Variants in ATP6V1B1 observed in about 807,000 individuals in gnomAD.
The protein encoded by ATP6V1B1 is V-type proton ATPase subunit B, kidney isoform.
Under a neutral mutation model 62.1 loss-of-function variants are expected in ATP6V1B1, and 41 were observed. The observed-to-expected ratio is 0.66, with a 90% CI of 0.51 to 0.86. ATP6V1B1 has a LOEUF of 0.86. ATP6V1B1 is among the 40% of genes least tolerant of loss of function. The pLI, the probability that ATP6V1B1 is intolerant of heterozygous loss-of-function variation, is 0.00. For missense variants in ATP6V1B1, 651 were observed against 697.5 expected (o/e 0.93, Z 0.75); for synonymous variants, 253 against 273.4 (o/e 0.93, Z 0.74).
rs1553419690 is a variant in ATP6V1B1, at chr2:70,959,730, CAGAA to C, written c.446-202_446-199del. 6.6e-6 allele frequency among the ~76,000 whole-genome samples: 1 copy of C among 152,244 alleles called. No homozygotes were observed. The highest frequency in any genetic ancestry group is 1.5e-5 in the Non-Finnish European group (1 of 68,050). On this transcript the variant is annotated intron_variant, in intron 5 of 13. Coordinates refer to ENST00000234396, the MANE Select transcript of ATP6V1B1 (RefSeq NM_001692.4). The surrounding 1 kb of genome is among the most constrained non-coding windows in gnomAD (Gnocchi z 4.2). ...CTATTTAAATTTAAACTAATTCAAA[CAGAA>C]AGAAAGTCCCATTTCAGAGTCACAC...
chr2:70,946,278 A>G (rs2239484), intron 2 of ATP6V1B1, among the ~76,000 whole-genome samples: 25,494 of 152,134 alleles, frequency 0.17, 2,503 homozygotes, highest in East Asian at 0.48. Flanking sequence ...GGACATTACC[A>G]CTTGACCCCC....
intron 1 of ATP6V1B1, chr2:70,938,541 G>T: frequency 1.0e-6 from 1 of 985,300 alleles, no homozygotes; most frequent in Non-Finnish European, 1.2e-6. Flanking sequence ...CCCGGGGGAG[G>T]TGGGCTAAAG....
intron 2 of ATP6V1B1, among the ~76,000 whole-genome samples, chr2:70,945,582 T>A (rs1680138868): frequency 6.6e-6 from 1 of 151,462 alleles, no homozygotes; most frequent in Admixed American, 6.6e-5. Context: ...AGGTACACAG[T>A]GATGTTTTGA....
Position 70,965,145 on chromosome 2 carries a change from C to T in ATP6V1B1, c.*24C>T. The T allele has an allele frequency of 6.2e-7, 1 of 1,604,376 alleles. No individual in the cohort carries two copies. Among genetic ancestry groups the T allele is most frequent in the Non-Finnish European group, 8.5e-7 (1 of 1,179,704 alleles). On this transcript the variant is annotated 3_prime_UTR_variant, in exon 14 of 14. Coordinates refer to ENST00000234396, the MANE Select transcript of ATP6V1B1 (RefSeq NM_001692.4). ...AGCCCCGCGCGCCGTGGCACCCCAA[C>T]ACCGGCAGGGAACCTACCCTCGGCT...
chr2:70,946,559 T>C (rs376748509), intron 2 of ATP6V1B1, among the ~76,000 whole-genome samples: 1 of 152,358 alleles, frequency 6.6e-6, no homozygotes, highest in Admixed American at 6.5e-5. Flanking sequence ...TAGAGAACCA[T>C]CAATCTCGGA....
rs782416359 is a variant in ATP6V1B1, at chr2:70,964,481, T to C, written c.1187T>C (p.Met396Thr). 6 of 1,614,008 alleles carry C rather than the reference T, an allele frequency of 3.7e-6. No homozygotes were observed. Among genetic ancestry groups the C allele is most frequent in the Non-Finnish European group, 5.1e-6 (6 of 1,180,036 alleles). ...INVLPSLSRL[M>T]KSAIGEGMTR... ...GTGCTCCCTTCCCTGTCGCGGCTGA[T>C]GAAGTCAGCCATTGGGGAAGGCATG... Residue 396 changes from methionine to threonine, a missense_variant, in exon 12 of 14, where the codon ATG becomes ACG. Coordinates refer to ENST00000234396, the MANE Select transcript of ATP6V1B1 (RefSeq NM_001692.4).
rs1177523566 is a variant in ATP6V1B1, at chr2:70,965,000, G to A, written c.1421G>A (p.Gly474Asp). The part of the protein sequence containing the change: ...NRSVFESLDL[G>D]WKLLRIFPKE... ...TCGGTGTTCGAGTCGCTGGACCTGG[G>A]CTGGAAGCTGCTGCGCATCTTCCCC... Residue 474 changes from glycine to aspartate, a missense_variant, in exon 14 of 14, where the codon GGC (glycine) becomes GAC (aspartate). Coordinates refer to ENST00000234396, the MANE Select transcript of ATP6V1B1 (RefSeq NM_001692.4). 1 of 1,613,716 alleles carries A rather than the reference G, an allele frequency of 6.2e-7. No individual in the cohort carries two copies. Among genetic ancestry groups the A allele is most frequent in the African/African-American group, 1.3e-5 (1 of 74,918 alleles).
chr2:70,959,133 G>A lies in ATP6V1B1; in HGVS notation c.445+38G>A. 6.3e-7 allele frequency: 1 copy of A among 1,598,276 alleles called. No homozygotes were observed. The highest frequency in any genetic ancestry group is 8.6e-7 in the Non-Finnish European group (1 of 1,165,970). Reference sequence around the variant, plus strand: ...AGGTTCTGGATGGCTTCGGGACCCAGCCCTAACACCTTCCCCACTCTTGGA... The same window carrying A: ...AGGTTCTGGATGGCTTCGGGACCCAACCCTAACACCTTCCCCACTCTTGGA... On this transcript the variant is annotated intron_variant, in intron 5 of 13. Transcript: ENST00000234396. The surrounding 1 kb of genome is among the most constrained non-coding windows in gnomAD (Gnocchi z 4.2).
At chr2:70,964,112 G>GTTT (rs1330555546) in intron 11 of ATP6V1B1, 13 of 158,346 alleles carry the variant, frequency 8.2e-5, no homozygotes, top group South Asian at 1.5e-4. Context: ...TGCTTGGCAG[G>GTTT]TATTTTTTTT....
At chr2:70,939,738 T>A (rs1426904729) in intron 1 of ATP6V1B1, 1 of 149,574 alleles carries the variant, frequency 6.7e-6, no homozygotes, top group Non-Finnish European at 1.5e-5. Flanking sequence ...CCCTCTAGGG[T>A]CCCAGTCTGT....
Position 70,936,023 on chromosome 2 carries a change from A to G in ATP6V1B1, c.69A>G (p.Arg23=), listed in dbSNP as rs1473102623. The change falls in exon 1 of 14, where the codon CGA becomes CGG. Residue 23 remains arginine (R), a synonymous_variant. Transcript: ENST00000234396. ...PGSSCNLGAA[R]EHMQAVTRNY... ...GTAGCTGCAACCTAGGTGCAGCCCG[A>G]GAACACATGCAGGCGGTCACCCGAA... 1.9e-6 allele frequency: 3 copies of G among 1,614,060 alleles called. No individual in the cohort carries two copies. Among genetic ancestry groups the G allele is most frequent in the African/African-American group, 2.7e-5 (2 of 75,040 alleles).
intron 9 of ATP6V1B1, 33 bp downstream of exon 9, chr2:70,962,933 C>A: frequency 6.2e-7 from 1 of 1,612,830 alleles, no homozygotes; most frequent in Non-Finnish European, 8.5e-7. Context: ...TCAGATTCCT[C>A]CCTACCCCTC....
chr2:70,964,270 A>G (rs936283686), intron 11 of ATP6V1B1, among the ~76,000 whole-genome samples, 168 bp from the exon 12 acceptor site: 2 of 152,032 alleles, frequency 1.3e-5, no homozygotes, highest in Non-Finnish European at 2.9e-5. Flanking sequence ...CATATAAGAC[A>G]GCTGATGCCC....
rs1553419969 is a variant in ATP6V1B1 at position 70,960,983 on chromosome 2, C to T, written c.648C>T (p.Tyr216=). 1 of 1,605,286 alleles carries T rather than the reference C, an allele frequency of 6.2e-7. No homozygotes were observed. Among genetic ancestry groups the T allele is most frequent in the South Asian group, 1.1e-5 (1 of 89,200 alleles). ...LVKKSKAVLD[Y]HDDNFAIVFA... is the part of the protein sequence containing the mutation. ...AGAAGTCCAAGGCTGTGCTGGATTA[C>T]CATGACGACAACTTCGCCATCGTCT... Residue 216 remains tyrosine (Y), a synonymous_variant, in exon 7 of 14, where the codon TAC becomes TAT. Coordinates refer to ENST00000234396, the MANE Select transcript of ATP6V1B1 (RefSeq NM_001692.4).
rs1335443305 is a variant in ATP6V1B1, at chr2:70,963,815, A to G, written c.1143+161A>G. 6.6e-6 allele frequency among the ~76,000 whole-genome samples: 1 copy of G among 152,238 alleles called. No homozygotes were observed. The highest frequency in any genetic ancestry group is 1.5e-5 in the Non-Finnish European group (1 of 68,038). On this transcript the variant is annotated intron_variant, in intron 11 of 13. Transcript: ENST00000234396. The surrounding 1 kb of genome is among the most constrained non-coding windows in gnomAD (Gnocchi z 4.3). ...ACTGCATGGTTCACAGACAGAAGAC[A>G]GGCCTGAGCAGAATCTGGTTTACCT...
chr2:70,964,412 A>G (rs1553420668), intron 11 of ATP6V1B1, 26 bp from the exon 12 acceptor site: 2 of 1,610,344 alleles, frequency 1.2e-6, no homozygotes, highest in East Asian at 2.2e-5. Flanking sequence ...CCTGCTGTCC[A>G]CCACTCCCTT....
rs1558681319 is a variant in ATP6V1B1 at position 70,965,159 on chromosome 2, C to T, written c.*38C>T. The T allele has an allele frequency of 1.3e-6, 2 of 1,598,524 alleles. No individual in the cohort carries two copies. The highest frequency in any genetic ancestry group is 1.7e-5 in the Admixed American group (1 of 59,940). On this transcript the variant is annotated 3_prime_UTR_variant, in exon 14 of 14. Transcript: ENST00000234396. Reference sequence around the variant, plus strand: ...TGGCACCCCAACACCGGCAGGGAACCTACCCTCGGCTCCCGGGTCTCCCCT... The same window carrying T: ...TGGCACCCCAACACCGGCAGGGAACTTACCCTCGGCTCCCGGGTCTCCCCT...
rs377448212 is a variant in ATP6V1B1, at chr2:70,943,526, C to T, written c.119-132C>T. 1.2e-5 allele frequency: 11 copies of T among 955,556 alleles called. No individual in the cohort carries two copies. In the Admixed American group the frequency reaches 1.4e-4, roughly 12 times the overall value. 59.2% of individuals were successfully genotyped at this position (955,556 alleles called of 1,614,324 possible). On this transcript the variant is annotated intron_variant, in intron 1 of 13. Transcript: ENST00000234396. ...GCAATGGTGGCTGGCCCTGTCACAGCTAATGACCCTGACGGCCCAGGCTGG... is the reference window on the plus strand; with the variant it reads ...GCAATGGTGGCTGGCCCTGTCACAGTTAATGACCCTGACGGCCCAGGCTGG...
chr2:70,945,101 A>C (rs112358327), intron 2 of ATP6V1B1, among the ~76,000 whole-genome samples: 4 of 152,342 alleles, frequency 2.6e-5, no homozygotes, highest in African/African-American at 7.2e-5. Flanking sequence ...GGGCACTTGC[A>C]TGTCATTTTT....
Sources: gnomAD v4.1 joint callset for allele counts (sites outside exome capture counted in the v4.1 genomes callset) on GRCh38, gnomAD v4.1.1 for gene constraint, Gnocchi (gnomAD v3.1) non-coding constraint, MANE v1.5 for transcripts, NCBI Gene and HGNC (gene_info 2026-07-23, HGNC 2026-07-21) for gene names.